PCDH15: variants seen among roughly 807,000 people sequenced by gnomAD.
The protein encoded by PCDH15 is protocadherin related 15.
In PCDH15, 129 loss-of-function variants were observed where a neutral mutation model predicts 178.5. The observed-to-expected ratio is 0.72, with a 90% CI of 0.63 to 0.84. The LOEUF is 0.84. Among genes scored for constraint, PCDH15 ranks in the 40% least tolerant of loss-of-function variants. The pLI is 0.00. For missense variants in PCDH15, 2,230 were observed against 2,099.9 expected, an observed-to-expected ratio of 1.06 and a Z score of -1.21; for synonymous variants, 800 against 732.0, an observed-to-expected ratio of 1.09 and a Z score of -1.50.
intron 28 of PCDH15, among the ~76,000 whole-genome samples, chr10:53,846,051 A>ACACACACAC (rs1564598575): frequency 1.0e-5 from 1 of 100,348 alleles, no homozygotes; most frequent in East Asian, 1.2e-3. Context: ...CACACACACA[A>ACACACACAC]ACAAAAAAAG....
At chr10:54,275,781 C>A (rs1015335642) in intron 8 of PCDH15, among the ~76,000 whole-genome samples, 1 of 151,704 alleles carries the variant, frequency 6.6e-6, no homozygotes. Context: ...TGCTATTATA[C>A]TAGATCTAGC....
At chr10:55,041,001 C>A (rs1337927135) in intron 2 of PCDH15, among the ~76,000 whole-genome samples, 4 of 151,856 alleles carry the variant, frequency 2.6e-5, no homozygotes, top group Admixed American at 6.6e-5. Flanking sequence ...TATTAGCAAT[C>A]CAATTATTAC....
intron 2 of PCDH15, among the ~76,000 whole-genome samples, chr10:54,616,958 C>T (rs2093178302): frequency 6.6e-6 from 1 of 151,926 alleles, no homozygotes; most frequent in South Asian, 2.1e-4. Flanking sequence ...AAAAAGAAAA[C>T]CTAGTTCATA....
At chr10:54,727,603 A>T (rs560566055) in intron 1 of PCDH15, among the ~76,000 whole-genome samples, 18 of 151,332 alleles carry the variant, frequency 1.2e-4, no homozygotes, top group Middle Eastern at 3.4e-3. Flanking sequence ...TCAGACCTGA[A>T]CTGAACAAAA....
chr10:54,434,982 A>T (rs1438209503), intron 3 of PCDH15, among the ~76,000 whole-genome samples: 1 of 152,198 alleles, frequency 6.6e-6, no homozygotes, highest in Non-Finnish European at 1.5e-5. Context: ...CAATAAGAGC[A>T]TTGAAACTAG....
Position 55,309,765 on chromosome 10 carries a change from G to T in PCDH15, c.-156+9834C>A, listed in dbSNP as rs374057692. On this transcript the variant is annotated intron_variant, in intron 1 of 5. Coordinates refer to the PCDH15 transcript ENST00000458638. ...TGTGTGCACCTTCATTATCTTAACT[G>T]TAAAGTGTTCTTTAAAAAGAGTTAC... is the stretch of plus-strand genomic sequence containing the variant. Among the ~76,000 whole-genome samples the T allele has an allele frequency of 3.8e-4, 58 of 152,232 alleles. 1 individual carries two copies. The highest frequency in any genetic ancestry group is 1.3e-3 in the African/African-American group (55 of 41,552).
chr10:54,870,079 G>A (rs1434156186), intron 3 of PCDH15, among the ~76,000 whole-genome samples: 2 of 152,290 alleles, frequency 1.3e-5, no homozygotes, highest in South Asian at 2.1e-4. Flanking sequence ...TGACCTGTTT[G>A]TCTATTTCAT....
chr10:54,342,422 T>C (rs952290801), intron 6 of PCDH15, among the ~76,000 whole-genome samples: 1 of 152,196 alleles, frequency 6.6e-6, no homozygotes, highest in Non-Finnish European at 1.5e-5. Context: ...GGCCTGCAGG[T>C]ACATAGAAGA....
intron 3 of PCDH15, among the ~76,000 whole-genome samples, chr10:54,854,914 A>G (rs10825407): frequency 0.22 from 33,251 of 152,066 alleles, 3,784 homozygotes; most frequent in African/African-American, 0.25. Flanking sequence ...AAACCTGTCT[A>G]CCTTCTGCTG....
chr10:55,210,618 C>CTTTTTTTTTT lies in PCDH15; in HGVS notation c.-155-43977_-155-43968dup, dbSNP rs11412877. 1.1e-3 allele frequency among the ~76,000 whole-genome samples: 44 copies of CTTTTTTTTTT among 40,342 alleles called. 3 individuals carry two copies. The highest frequency in any genetic ancestry group is 3.2e-3 in the African/African-American group (28 of 8,770). The allele number at this position is 40,342 out of a possible 152,430, so 26.5% of individuals were successfully genotyped here. On this transcript the variant is annotated intron_variant, in intron 1 of 5. Coordinates refer to the PCDH15 transcript ENST00000458638. ...ACGATTTTTTTTTCTTTTTTCTTTT[C>CTTTTTTTTTT]TTTTTTTTTTTTTTTTTTTTTTTTT...
intron 2 of PCDH15, chr10:55,365,965 C>T (rs551622180): frequency 1.3e-5 from 2 of 152,226 alleles, no homozygotes; most frequent in Non-Finnish European, 2.9e-5. Context: ...TCTGGAGTTA[C>T]TTACTCATGT....
intron 3 of PCDH15, among the ~76,000 whole-genome samples, chr10:54,494,980 C>A (rs946985943): frequency 3.9e-5 from 6 of 152,130 alleles, no homozygotes; most frequent in Non-Finnish European, 8.8e-5. Flanking sequence ...TAGCTTTCAA[C>A]TAAAGCAGCC....
intron 2 of PCDH15, among the ~76,000 whole-genome samples, chr10:55,517,782 C>T (rs1841055737): frequency 2.0e-5 from 3 of 152,074 alleles, no homozygotes; most frequent in Non-Finnish European, 4.4e-5. Flanking sequence ...TGTGCTACAT[C>T]CCTACCATGG....
chr10:55,467,678 A>G (rs914770596), intron 2 of PCDH15, among the ~76,000 whole-genome samples: 4 of 151,924 alleles, frequency 2.6e-5, no homozygotes, highest in Non-Finnish European at 4.4e-5. Context: ...TAAGAATTAA[A>G]AGTGAGGCTG....
At position 53,878,692 on chromosome 10, in the gene PCDH15, G is replaced by A. The variant is rs184206511; in HGVS notation, c.3502-11835C>T. ...TATATATTAGCATTTATTATGACACGTTTTAATTTTGTGTGTCCATTATAC... is the reference window on the plus strand; with the variant it reads ...TATATATTAGCATTTATTATGACACATTTTAATTTTGTGTGTCCATTATAC... On this transcript the variant is annotated intron_variant, in intron 26 of 37. Coordinates refer to ENST00000644397, the MANE Select transcript of PCDH15 (RefSeq NM_001384140.1). Among the ~76,000 whole-genome samples, 846 of 151,658 alleles carry A rather than the reference G, an allele frequency of 5.6e-3. 4 individuals carry two copies. The highest frequency in any genetic ancestry group is 8.4e-3 in the Non-Finnish European group (568 of 67,874).
intron 1 of PCDH15, among the ~76,000 whole-genome samples, chr10:55,216,016 G>A (rs1840692537): frequency 6.6e-6 from 1 of 151,822 alleles, no homozygotes; most frequent in African/African-American, 2.4e-5. Flanking sequence ...TCCATTTGCA[G>A]GTCTGTTACT....
At chr10:55,486,138 C>T (rs976467089) in intron 2 of PCDH15, among the ~76,000 whole-genome samples, 2 of 151,626 alleles carry the variant, frequency 1.3e-5, no homozygotes, top group Non-Finnish European at 3.0e-5. Context: ...TATTCTTTCA[C>T]TGTAATAAAT....
intron 1 of PCDH15, among the ~76,000 whole-genome samples, chr10:55,299,359 A>C (rs1199923520): frequency 6.6e-6 from 1 of 152,180 alleles, no homozygotes. Context: ...CCCATAGATA[A>C]GTGAGCTATG....
chr10:55,579,205 T>G (rs1159927371), intron 2 of PCDH15, among the ~76,000 whole-genome samples: 5 of 152,246 alleles, frequency 3.3e-5, no homozygotes, highest in Non-Finnish European at 7.3e-5. Flanking sequence ...AATATCTGAT[T>G]GTATTACTAT....
Sources: allele counts gnomAD v4.1 joint callset (sites outside exome capture counted in the v4.1 genomes callset), GRCh38; gene constraint gnomAD v4.1.1; transcripts MANE v1.5; gene names NCBI Gene and HGNC (gene_info 2026-07-23, HGNC 2026-07-21).